Variants in NSD3 observed in about 807,000 individuals in gnomAD.
The protein encoded by NSD3 is nuclear receptor binding SET domain protein 3, also known as histone-lysine N-methyltransferase NSD3.
A neutral mutation model predicts 160.8 loss-of-function variants in NSD3; 24 were observed. The observed-to-expected ratio is 0.15, with a 90% CI of 0.11 to 0.21. The LOEUF is 0.21. Among genes scored for constraint, NSD3 ranks in the 10% least tolerant of loss-of-function variants. The probability of loss-of-function intolerance (pLI) is 1.00; values close to 1 mark genes in which losing one functional copy is unlikely to be tolerated. For synonymous variants in NSD3, 520 were observed against 600.0 expected (o/e 0.87, Z 1.95); for missense variants, 1,157 against 1,735.9 (o/e 0.67, Z 5.93).
rs2130977034 is a variant in NSD3 at position 38,273,902 on chromosome 8, A to G, written c.*1739T>C. On this transcript the variant is annotated 3_prime_UTR_variant, in exon 24 of 24. Transcript: ENST00000317025. ...TTAGGAGCTTCAGTAAAAGAATTGT[A>G]GTGTTTTTTACAAGAGAAAATCCAG... The G allele has an allele frequency of 6.6e-6, 1 of 152,348 alleles. No homozygotes were observed. The highest frequency in any genetic ancestry group is 1.5e-5 in the Non-Finnish European group (1 of 68,026). 9.4% of individuals were successfully genotyped at this position (152,348 alleles called of 1,614,324 possible).
rs1287431612 is a variant in NSD3, at chr8:38,275,554, C to T, written c.*87G>A. On this transcript the variant is annotated 3_prime_UTR_variant, in exon 24 of 24. Coordinates refer to ENST00000317025, the MANE Select transcript of NSD3 (RefSeq NM_023034.2). Reference sequence around the variant, plus strand: ...AATAAGGCAGTTCCGATGGCAAAGGCTGTATGCACTGTAGCAGTCTCTTCT... The same window carrying T: ...AATAAGGCAGTTCCGATGGCAAAGGTTGTATGCACTGTAGCAGTCTCTTCT... 32 of 1,301,882 alleles carry T rather than the reference C, an allele frequency of 2.5e-5. No homozygotes were observed. In the East Asian group the frequency reaches 7.3e-4, roughly 30 times the overall value. The allele number at this position is 1,301,882 out of a possible 1,614,324, so 80.6% of individuals were successfully genotyped here.
chr8:38,317,314 A>C lies in NSD3; in HGVS notation c.1856-1272T>G. ...CATGTTAATGCTGATTAAAAAACAC[A>C]AGTACACAAATCTATCTCCTTCATT... On this transcript the variant is annotated intron_variant, in intron 9 of 23. Coordinates refer to ENST00000317025, the MANE Select transcript of NSD3 (RefSeq NM_023034.2). This position sits in a 1 kb window ranked among gnomAD's most constrained non-coding sequence, Gnocchi z 5.3. 1 of 1,058,528 alleles carries C rather than the reference A, an allele frequency of 9.4e-7. No homozygotes were observed. The highest frequency in any genetic ancestry group is 1.6e-5 in the African/African-American group (1 of 60,740). 65.6% of individuals were successfully genotyped at this position (1,058,528 alleles called of 1,614,324 possible).
At chr8:38,337,205 G>A in intron 4 of NSD3, 100 bp downstream of exon 4, 1 of 1,075,110 alleles carries the variant, frequency 9.3e-7, no homozygotes, top group Non-Finnish European at 1.2e-6. Flanking sequence ...TTTTGTATCA[G>A]ATTATATATT....
In NSD3 at chr8:38,288,750, T is replaced by C. The variant is rs1213428528; in HGVS notation, c.3238A>G (p.Lys1080Glu). The C allele has an allele frequency of 6.2e-7, 1 of 1,611,768 alleles. No individual in the cohort carries two copies. Among genetic ancestry groups the C allele is most frequent in the Non-Finnish European group, 8.5e-7 (1 of 1,177,926 alleles). Residue 1080 changes from lysine (K) to glutamate (E), a missense_variant, in exon 19 of 24, where the codon AAA becomes GAA. Transcript: ENST00000317025. The surrounding 1 kb of genome is among the most constrained non-coding windows in gnomAD (Gnocchi z 4.5). ...PPPYKHIKAN[K>E]VIGKVQIQVA... ...TGGATCTGCACCTTTCCTATTACTT[T>C]GTTAGCCTAGAAAACAAAATCGCAA...
At chr8:38,278,101 G>A (rs1310394182) in intron 22 of NSD3, among the ~76,000 whole-genome samples, 1 of 152,046 alleles carries the variant, frequency 6.6e-6, no homozygotes, top group African/African-American at 2.4e-5. Flanking sequence ...ACCATGCCCA[G>A]CTAATTTTTT....
chr8:38,366,713 A>G (rs147087813), intron 1 of NSD3, among the ~76,000 whole-genome samples: 115 of 152,252 alleles, frequency 7.6e-4, no homozygotes, highest in Non-Finnish European at 1.5e-3. Flanking sequence ...TGCCCAGCCT[A>G]TATCTACTTA....
At position 38,348,042 on chromosome 8, in the gene NSD3, C is replaced by G. The variant is rs766699478; in HGVS notation, c.130G>C (p.Gly44Arg). The change falls in exon 2 of 24, where the codon GGT becomes CGT. Residue 44 changes from glycine (G) to arginine (R), a missense_variant. Around this residue, in one of 10 missense-constraint regions of NSD3, gnomAD observed 121 missense variants for 177.2 expected, o/e 0.68. Coordinates refer to ENST00000317025, the MANE Select transcript of NSD3 (RefSeq NM_023034.2). Reference protein sequence around the residue: ...FDNNSDIAEDGGQTPYEATLQ... With the variant: ...FDNNSDIAEDRGQTPYEATLQ... Reference sequence around the variant, plus strand: ...GTAGCTTCATATGGTGTCTGGCCACCATCTTCAGCAATGTCACTGTTGTTA... The same window carrying G: ...GTAGCTTCATATGGTGTCTGGCCACGATCTTCAGCAATGTCACTGTTGTTA... 1 of 1,614,172 alleles carries G rather than the reference C, an allele frequency of 6.2e-7. No homozygotes were observed. The highest frequency in any genetic ancestry group is 1.1e-5 in the South Asian group (1 of 91,080).
At chr8:38,286,111 C>T (rs1281696372) in intron 19 of NSD3, among the ~76,000 whole-genome samples, 2 of 152,140 alleles carry the variant, frequency 1.3e-5, no homozygotes, top group Non-Finnish European at 1.5e-5. Flanking sequence ...TTCTAACCAA[C>T]AGAATATGGC....
chr8:38,314,695 A>G lies in NSD3; in HGVS notation c.2194T>C (p.Leu732=), dbSNP rs1212808549. ...AACTTGCTATCAGGAAGTGATGCCA[A>G]TCCCAGGCACTCCAGGTGAAAGTGT... is the stretch of plus-strand genomic sequence containing the variant. ...CKHFHLECLG[L]ASLPDSKFIC... is the part of the protein sequence containing the mutation. The change falls in exon 12 of 24, where the codon TTG becomes CTG. Residue 732 remains leucine (L), a synonymous_variant. Coordinates refer to ENST00000317025, the MANE Select transcript of NSD3 (RefSeq NM_023034.2). 1 of 1,614,202 alleles carries G rather than the reference A, an allele frequency of 6.2e-7. No homozygotes were observed. The highest frequency in any genetic ancestry group is 2.2e-5 in the East Asian group (1 of 44,882).
intron 2 of NSD3, among the ~76,000 whole-genome samples, chr8:38,344,086 T>C (rs1005509063): frequency 1.3e-5 from 2 of 152,178 alleles, no homozygotes; most frequent in East Asian, 3.8e-4. Flanking sequence ...ACAATTTCAG[T>C]AGTGATCTCA....
chr8:38,303,394 C>T (rs1420431286), intron 14 of NSD3: 186 of 985,322 alleles, frequency 1.9e-4, no homozygotes, highest in Non-Finnish European at 2.2e-4. Flanking sequence ...ATACATTTGA[C>T]ACTGCTGTAG....
intron 4 of NSD3, among the ~76,000 whole-genome samples, chr8:38,334,509 C>T (rs1226844614): frequency 6.6e-6 from 1 of 152,084 alleles, no homozygotes; most frequent in African/African-American, 2.4e-5. Context: ...AATCCCAGCA[C>T]TTTGGGAGGC....
chr8:38,292,023 ATATAAT>A lies in NSD3; in HGVS notation c.2916-1352_2916-1347del, dbSNP rs35933499. On this transcript the variant is annotated intron_variant, in intron 16 of 23. Coordinates refer to ENST00000317025, the MANE Select transcript of NSD3 (RefSeq NM_023034.2). ...CTGTTTTGGGTTTCTTTAAAATGTA[ATATAAT>A]TAAAATTTAAGTGTTAAAATAAATC... is the stretch of plus-strand genomic sequence containing the variant. Among the ~76,000 whole-genome samples, 922 of 152,350 alleles carry A rather than the reference ATATAAT, an allele frequency of 6.1e-3. 6 individuals are homozygous for A. Among genetic ancestry groups the A allele is most frequent in the African/African-American group, 0.02 (834 of 41,576 alleles).
chr8:38,304,800 C>A, intron 13 of NSD3, 43 bp from the exon 14 acceptor site: 1 of 1,542,880 alleles, frequency 6.5e-7, no homozygotes, highest in South Asian at 1.2e-5. Flanking sequence ...AAGGCATCAG[C>A]GGGACATAAA....
chr8:38,337,435 C>A lies in NSD3; in HGVS notation c.780G>T (p.Thr260=). The A allele has an allele frequency of 6.2e-7, 1 of 1,607,822 alleles. No homozygotes were observed. The highest frequency in any genetic ancestry group is 8.5e-7 in the Non-Finnish European group (1 of 1,177,608). The change falls in exon 4 of 24, where the codon ACG becomes ACT. Residue 260 remains threonine, a synonymous_variant. Transcript: ENST00000317025. ...GAAACTTAACACCAGTGGACACTTCCGTTGTTGGAACAGAAGATAGTATTG... is the reference window on the plus strand; with the variant it reads ...GAAACTTAACACCAGTGGACACTTCAGTTGTTGGAACAGAAGATAGTATTG... ...VQPILSSVPT[T]EVSTGVKFQV...
At chr8:38,307,216 G>A (rs748082006) in intron 12 of NSD3, among the ~76,000 whole-genome samples, 75 of 151,752 alleles carry the variant, frequency 4.9e-4, no homozygotes, top group African/African-American at 1.7e-3. Context: ...ACAGAGTCTC[G>A]CTCTGTCACC....
At chr8:38,359,856 T>C (rs967290193) in intron 1 of NSD3, among the ~76,000 whole-genome samples, 1 of 152,224 alleles carries the variant, frequency 6.6e-6, no homozygotes, top group Non-Finnish European at 1.5e-5. Context: ...GATCTCACTA[T>C]TTCATCCACA....
rs77979854 is a variant in NSD3, at chr8:38,333,916, A to G, written c.911-2331T>C. The stretch of plus-strand genomic sequence containing the variant: ...AATACTGACTAATAACAATATGGAA[A>G]CCAGTGATTACTATATATGATTAAG... On this transcript the variant is annotated intron_variant, in intron 4 of 23. Coordinates refer to ENST00000317025, the MANE Select transcript of NSD3 (RefSeq NM_023034.2). 2.6e-3 allele frequency among the ~76,000 whole-genome samples: 397 copies of G among 152,370 alleles called. 1 individual carries two copies. The highest frequency in any genetic ancestry group is 9.2e-3 in the African/African-American group (382 of 41,582).
chr8:38,356,114 A>G (rs117404237), intron 1 of NSD3, among the ~76,000 whole-genome samples: 2,220 of 152,344 alleles, frequency 0.015, 38 homozygotes, highest in Non-Finnish European at 0.022. Flanking sequence ...TAATCTATCC[A>G]TTCTAATATG....
Sources: allele counts gnomAD v4.1 joint callset (sites outside exome capture counted in the v4.1 genomes callset), GRCh38; gene constraint gnomAD v4.1.1; regional missense constraint gnomAD v4.1.1; non-coding constraint Gnocchi (gnomAD v3.1); transcripts MANE v1.5; gene names NCBI Gene and HGNC (gene_info 2026-07-23, HGNC 2026-07-21).